The following GAP43 variants were observed in gnomAD, a reference collection of about 807,000 sequenced individuals.
The protein encoded by GAP43 is neuromodulin.
Under a neutral mutation model 18.6 loss-of-function variants are expected in GAP43, and 6 were observed. The observed-to-expected ratio is 0.32, with a 90% CI of 0.18 to 0.64. The LOEUF (loss-of-function observed/expected upper bound fraction) is 0.64, where lower values mean the gene tolerates loss of function less well. GAP43 is among the 30% of genes least tolerant of loss of function. The pLI is 0.78. For missense variants in GAP43, 292 were observed against 295.5 expected, an observed-to-expected ratio of 0.99 and a Z score of 0.09; for synonymous variants, 115 against 111.4, an observed-to-expected ratio of 1.03 and a Z score of -0.20.
chr3:115,683,916 A>G (rs1172141320), intron 2 of GAP43, among the ~76,000 whole-genome samples: 2 of 152,226 alleles, frequency 1.3e-5, no homozygotes, highest in Non-Finnish European at 2.9e-5. Context: ...GAAATGGGCT[A>G]TTGAACGTCC....
chr3:115,691,516 T>C (rs1709109952), intron 2 of GAP43, among the ~76,000 whole-genome samples: 1 of 152,230 alleles, frequency 6.6e-6, no homozygotes, highest in African/African-American at 2.4e-5. Context: ...TGGTATTTTA[T>C]TGAACACACA....
chr3:115,704,382 C>T (rs283393), intron 2 of GAP43, among the ~76,000 whole-genome samples: 67,483 of 151,706 alleles, frequency 0.44, 15,604 homozygotes, highest in African/African-American at 0.56. Flanking sequence ...TGCCATTTTG[C>T]CTATGAAGCC....
At chr3:115,711,498 C>T (rs111704867) in intron 2 of GAP43, among the ~76,000 whole-genome samples, 3,750 of 150,442 alleles carry the variant, frequency 0.025, 132 homozygotes, top group African/African-American at 0.084. Flanking sequence ...TCTAAATACA[C>T]ACACACACAC....
chr3:115,720,731 G>A (rs1050602), intron 2 of GAP43, 63 bp from the exon 3 acceptor site: 18,717 of 1,043,478 alleles, frequency 0.018, 215 homozygotes, highest in Non-Finnish European at 0.023. Flanking sequence ...TGTTGTATGA[G>A]CAGATAAGAC....
chr3:115,645,385 C>G (rs918466072), intron 1 of GAP43, among the ~76,000 whole-genome samples: 3 of 151,904 alleles, frequency 2.0e-5, no homozygotes, highest in Non-Finnish European at 4.4e-5. Context: ...GAGGCCCAAC[C>G]AACTCTTCTT....
chr3:115,711,611 C>T (rs1036868007), intron 2 of GAP43, among the ~76,000 whole-genome samples: 4 of 152,120 alleles, frequency 2.6e-5, no homozygotes, highest in African/African-American at 9.7e-5. Flanking sequence ...TTTTTCTATT[C>T]TTGTCATGGC....
In GAP43 at chr3:115,644,908, TAATGTAAGGTAACTTCAGC is replaced by T. The variant is rs566881425; in HGVS notation, c.30+21191_30+21209del. On this transcript the variant is annotated intron_variant, in intron 1 of 2. Transcript: ENST00000305124. The surrounding 1 kb of genome is among the most constrained non-coding windows in gnomAD (Gnocchi z 4.2). ...GATAGAAGTGAGGTCATAGCTCTGCTAATGTAAGGTAACTTCAGCATGTCTGAATCCATCTAACAGTCTT... is the reference window on the plus strand; with the variant it reads ...GATAGAAGTGAGGTCATAGCTCTGCTATGTCTGAATCCATCTAACAGTCTT... Among the ~76,000 whole-genome samples the T allele has an allele frequency of 8.1e-4, 123 of 152,194 alleles. 1 individual carries two copies. The highest frequency in any genetic ancestry group is 3.4e-3 in the Middle Eastern group (1 of 294).
chr3:115,629,599 A>G (rs1048789212), intron 1 of GAP43, among the ~76,000 whole-genome samples: 2 of 152,004 alleles, frequency 1.3e-5, no homozygotes, highest in Admixed American at 1.3e-4. Context: ...CTTTTTGCCC[A>G]TGCTGTATTT....
intron 1 of GAP43, among the ~76,000 whole-genome samples, chr3:115,631,179 T>A (rs917735222): frequency 6.6e-6 from 1 of 152,224 alleles, no homozygotes; most frequent in Non-Finnish European, 1.5e-5. Context: ...AGATTTCCTA[T>A]CCTTAATTAT....
chr3:115,634,071 C>T (rs190762103), intron 1 of GAP43, among the ~76,000 whole-genome samples: 331 of 152,202 alleles, frequency 2.2e-3, no homozygotes, highest in African/African-American at 7.4e-3. Context: ...AATTCCAGTT[C>T]CAATAACTAT....
intron 2 of GAP43, among the ~76,000 whole-genome samples, chr3:115,685,550 G>T (rs1709021231): frequency 6.6e-6 from 1 of 152,192 alleles, no homozygotes. Flanking sequence ...AACATAATTT[G>T]TGTACAGCCT....
intron 2 of GAP43, among the ~76,000 whole-genome samples, chr3:115,716,086 A>AAAT (rs1272518651): frequency 1.3e-5 from 2 of 152,216 alleles, no homozygotes; most frequent in African/African-American, 4.8e-5. Context: ...AACTATAGCT[A>AAAT]AATACTTTAT....
At chr3:115,715,944 C>T (rs1705389347) in intron 2 of GAP43, among the ~76,000 whole-genome samples, 1 of 152,170 alleles carries the variant, frequency 6.6e-6, no homozygotes, top group Non-Finnish European at 1.5e-5. Flanking sequence ...CTTACGTAAA[C>T]CATTCAGTCT....
chr3:115,695,099 A>C (rs1257198476), intron 2 of GAP43, among the ~76,000 whole-genome samples: 3 of 152,214 alleles, frequency 2.0e-5, no homozygotes, highest in Non-Finnish European at 4.4e-5. Flanking sequence ...GCTTTACATA[A>C]ACTACCACAG....
At chr3:115,649,326 C>T (rs1182153180) in intron 1 of GAP43, among the ~76,000 whole-genome samples, 1 of 152,040 alleles carries the variant, frequency 6.6e-6, no homozygotes, top group Admixed American at 6.6e-5. Context: ...AAAGGCCCCA[C>T]CTCTTAATAC....
At chr3:115,673,517 A>G (rs192391885) in intron 1 of GAP43, among the ~76,000 whole-genome samples, 7 of 152,370 alleles carry the variant, frequency 4.6e-5, no homozygotes, top group Non-Finnish European at 7.3e-5. Context: ...ACCAGTTGGC[A>G]TCAATGCCCA....
At chr3:115,674,271 T>A (rs1317149067) in intron 1 of GAP43, among the ~76,000 whole-genome samples, 2 of 152,164 alleles carry the variant, frequency 1.3e-5, no homozygotes, top group East Asian at 3.9e-4. Context: ...AGAACAGTGT[T>A]CACAAAAGTG....
chr3:115,713,432 G>A (rs1444799107), intron 2 of GAP43, among the ~76,000 whole-genome samples: 1 of 152,204 alleles, frequency 6.6e-6, no homozygotes. Context: ...GGCTGTGGAA[G>A]GGCCTGGACT....
At chr3:115,628,112 G>A (rs1708214265) in intron 1 of GAP43, among the ~76,000 whole-genome samples, 1 of 151,978 alleles carries the variant, frequency 6.6e-6, no homozygotes, top group Non-Finnish European at 1.5e-5. Flanking sequence ...TGCAATTTGA[G>A]GCTTGTCTTA....
Sources: allele counts gnomAD v4.1 joint callset (sites outside exome capture counted in the v4.1 genomes callset), GRCh38; gene constraint gnomAD v4.1.1; non-coding constraint Gnocchi (gnomAD v3.1); transcripts MANE v1.5; gene names NCBI Gene and HGNC (gene_info 2026-07-23, HGNC 2026-07-21).